The following VPS13D variants were observed in gnomAD, a reference collection of about 807,000 sequenced individuals.
The protein encoded by VPS13D is intermembrane lipid transfer protein VPS13D.
VPS13D carries 187 observed loss-of-function variants against 461.9 expected under a neutral mutation model. That is an observed-to-expected ratio of 0.40 (90% CI 0.36 to 0.46). VPS13D has a LOEUF of 0.46. Ranked by LOEUF, VPS13D falls within the 20% of genes least tolerant of loss-of-function variation. The probability of loss-of-function intolerance (pLI) is 0.60; values close to 1 mark genes in which losing one functional copy is unlikely to be tolerated. For missense variants in VPS13D, 4,711 were observed against 5,364.9 expected (o/e 0.88, Z 3.81); for synonymous variants, 1,951 against 1,986.3 (o/e 0.98, Z 0.47).
chr1:12,269,582 G>T (rs1354831124), intron 16 of VPS13D, among the ~76,000 whole-genome samples: 1 of 152,156 alleles, frequency 6.6e-6, no homozygotes, highest in East Asian at 1.9e-4. Context: ...TGGTCTCTTT[G>T]ACCTCCTTTG....
intron 16 of VPS13D, 81 bp from the exon 17 acceptor site, chr1:12,270,913 C>T: frequency 6.6e-7 from 1 of 1,526,258 alleles, no homozygotes; most frequent in Non-Finnish European, 8.9e-7. Flanking sequence ...GATGGACATT[C>T]TTGGTGAGAA....
intron 65 of VPS13D, among the ~76,000 whole-genome samples, chr1:12,421,658 G>T (rs1044500041): frequency 6.6e-6 from 1 of 152,158 alleles, no homozygotes; most frequent in East Asian, 1.9e-4. Flanking sequence ...TAGAGCAAAT[G>T]ATCCCACTGT....
intron 43 of VPS13D, among the ~76,000 whole-genome samples, chr1:12,345,977 G>T (rs1643667222): frequency 6.6e-6 from 1 of 152,124 alleles, no homozygotes; most frequent in South Asian, 2.1e-4. Flanking sequence ...TACCCTTCCT[G>T]CCTGTAGTCC....
chr1:12,312,165 C>G (rs1642770509), intron 29 of VPS13D, among the ~76,000 whole-genome samples: 1 of 152,218 alleles, frequency 6.6e-6, no homozygotes, highest in African/African-American at 2.4e-5. Flanking sequence ...TGACTTAAAA[C>G]AGTGAAGATC....
chr1:12,474,062 A>G (rs1645598216), intron 67 of VPS13D, among the ~76,000 whole-genome samples: 1 of 152,188 alleles, frequency 6.6e-6, no homozygotes, highest in African/African-American at 2.4e-5. Flanking sequence ...AAAGCCCCAC[A>G]TGACATGGAA....
chr1:12,283,261 A>G lies in VPS13D; in HGVS notation c.5159A>G (p.Asp1720Gly), dbSNP rs1462693659. 6.2e-7 allele frequency: 1 copy of G among 1,614,108 alleles called. No individual in the cohort carries two copies. The highest frequency in any genetic ancestry group is 1.7e-5 in the Admixed American group (1 of 60,010). Reference sequence around the variant, plus strand: ...TCAGTGTCCAATGTGGAATATCCTGATATGCCTCGGTCTCTCCCTTCCCAC... The same window carrying G: ...TCAGTGTCCAATGTGGAATATCCTGGTATGCCTCGGTCTCTCCCTTCCCAC... ...CPSVSNVEYP[D>G]MPRSLPSHME... is the part of the protein sequence containing the mutation. The change falls in exon 21 of 70, where the codon GAT becomes GGT. Residue 1720 changes from aspartate to glycine, a missense_variant. Physicochemically the swap from Asp to Gly is moderately conservative, Grantham distance 94. This residue lies in a region of VPS13D where 4,411 missense variants were observed against 4,937.8 expected (regional missense o/e 0.89). Transcript: ENST00000620676.
chr1:12,416,334 T>C (rs1402180991), intron 64 of VPS13D, among the ~76,000 whole-genome samples: 3 of 152,228 alleles, frequency 2.0e-5, no homozygotes, highest in African/African-American at 7.2e-5. Context: ...TCTCTATTTG[T>C]AGGCATGATG....
intron 13 of VPS13D, among the ~76,000 whole-genome samples, chr1:12,265,227 C>T (rs1394038730): frequency 2.0e-5 from 3 of 152,172 alleles, no homozygotes; most frequent in African/African-American, 7.2e-5. Flanking sequence ...GTTTTCATGC[C>T]TGCTAACACA....
intron 60 of VPS13D, among the ~76,000 whole-genome samples, chr1:12,397,020 G>A (rs181987950): frequency 8.5e-5 from 13 of 152,224 alleles, no homozygotes; most frequent in East Asian, 3.9e-4. Flanking sequence ...TGCAACCTCC[G>A]CCTCCCAGGT....
chr1:12,274,341 A>G (rs747165544), intron 18 of VPS13D, among the ~76,000 whole-genome samples: 10 of 151,922 alleles, frequency 6.6e-5, no homozygotes, highest in Admixed American at 1.3e-4. Context: ...CACCTGGCCA[A>G]TTTTTTGTAT....
intron 53 of VPS13D, 66 bp downstream of exon 53, chr1:12,368,657 C>G: frequency 6.5e-7 from 1 of 1,543,562 alleles, no homozygotes; most frequent in Non-Finnish European, 8.7e-7. Context: ...GTGTACTGCC[C>G]TTGACACAAT....
chr1:12,362,632 A>G, intron 50 of VPS13D, 88 bp from the exon 51 acceptor site: 1 of 1,293,886 alleles, frequency 7.7e-7, no homozygotes, highest in Non-Finnish European at 1.1e-6. Flanking sequence ...AGAGAAACTA[A>G]GTAACTGTGA....
intron 27 of VPS13D, among the ~76,000 whole-genome samples, chr1:12,310,785 TTCCTTCCTTCCC>T (rs1478952994): frequency 2.0e-5 from 3 of 147,210 alleles, no homozygotes; most frequent in African/African-American, 7.6e-5. Context: ...CCTTCCTTCC[TTCCTTCCTTCCC>T]TCCCTCCCTC....
intron 53 of VPS13D, among the ~76,000 whole-genome samples, chr1:12,369,084 T>C (rs1644079432): frequency 6.6e-6 from 1 of 152,232 alleles, no homozygotes; most frequent in Admixed American, 6.5e-5. Context: ...TACTTATTTT[T>C]TTCTGTATTC....
At chr1:12,454,168 T>A (rs2100391618) in intron 65 of VPS13D, among the ~76,000 whole-genome samples, 1 of 152,258 alleles carries the variant, frequency 6.6e-6, no homozygotes, top group East Asian at 1.9e-4. Context: ...ATTCTCCAGA[T>A]GCAGAGGAGG....
intron 60 of VPS13D, among the ~76,000 whole-genome samples, chr1:12,386,627 C>T (rs1465698036): frequency 6.6e-6 from 1 of 152,188 alleles, no homozygotes; most frequent in East Asian, 1.9e-4. Context: ...ATCTAACCAT[C>T]ATTCGGAGGG....
intron 65 of VPS13D, among the ~76,000 whole-genome samples, chr1:12,439,484 C>T (rs900746769): frequency 6.6e-6 from 1 of 151,900 alleles, no homozygotes; most frequent in African/African-American, 2.4e-5. Flanking sequence ...CTCCTCCTCC[C>T]CTCTTGTTTT....
At chr1:12,405,177 C>T (rs939492695) in intron 63 of VPS13D, among the ~76,000 whole-genome samples, 1 of 152,218 alleles carries the variant, frequency 6.6e-6, no homozygotes, top group East Asian at 1.9e-4. Context: ...TCTGAAGGGG[C>T]CGCCACAACC....
intron 7 of VPS13D, among the ~76,000 whole-genome samples, chr1:12,254,286 C>G (rs764922393): frequency 6.6e-6 from 1 of 152,122 alleles, no homozygotes; most frequent in Non-Finnish European, 1.5e-5. Flanking sequence ...AGCAATCCTC[C>G]TGCTTTGGCC....
Sources: allele counts gnomAD v4.1 joint callset (sites outside exome capture counted in the v4.1 genomes callset), GRCh38; gene constraint gnomAD v4.1.1; regional missense constraint gnomAD v4.1.1; transcripts MANE v1.5; gene names NCBI Gene and HGNC (gene_info 2026-07-23, HGNC 2026-07-21).